Variants in CACNA2D3 observed in about 807,000 individuals in gnomAD.
The protein encoded by CACNA2D3 is calcium voltage-gated channel auxiliary subunit alpha2delta 3.
Under a neutral mutation model 160.6 loss-of-function variants are expected in CACNA2D3, and 60 were observed. The ratio of observed to expected loss-of-function variants is 0.37; its 90% CI spans 0.30 to 0.46. CACNA2D3 has a LOEUF of 0.46. CACNA2D3 is among the 20% of genes least tolerant of loss of function. The pLI, the probability that CACNA2D3 is intolerant of heterozygous loss-of-function variation, is 1.00. For missense variants in CACNA2D3, 1,205 were observed against 1,365.0 expected (o/e 0.88, Z 1.85); for synonymous variants, 558 against 492.9 (o/e 1.13, Z -1.75).
chr3:54,156,516 T>C (rs1259509665), intron 2 of CACNA2D3, among the ~76,000 whole-genome samples: 1 of 152,214 alleles, frequency 6.6e-6, no homozygotes. Flanking sequence ...GTCAGTCTTT[T>C]TGAGTCCCTG....
chr3:54,464,956 C>A (rs1559489003), intron 4 of CACNA2D3, among the ~76,000 whole-genome samples: 1 of 152,140 alleles, frequency 6.6e-6, no homozygotes, highest in African/African-American at 2.4e-5. Context: ...CATCTCTTCT[C>A]CTTTTTGAAC....
intron 2 of CACNA2D3, among the ~76,000 whole-genome samples, chr3:54,308,082 C>T (rs1319794964): frequency 6.6e-6 from 1 of 152,164 alleles, no homozygotes; most frequent in Non-Finnish European, 1.5e-5. Flanking sequence ...TGCACCAGCT[C>T]TCAACTATCC....
At chr3:54,523,559 G>A (rs1307370214) in intron 5 of CACNA2D3, among the ~76,000 whole-genome samples, 3 of 152,196 alleles carry the variant, frequency 2.0e-5, no homozygotes, top group Admixed American at 6.5e-5. Context: ...ATTGGGAATT[G>A]TTCTCCTTTT....
intron 12 of CACNA2D3, among the ~76,000 whole-genome samples, chr3:54,757,355 A>G (rs557400537): frequency 2.2e-4 from 33 of 152,258 alleles, no homozygotes; most frequent in Admixed American, 1.1e-3. Flanking sequence ...TCTGAAAGAG[A>G]ACTGGTGGCC....
At chr3:55,040,517 CTG>C (rs1041607226) in intron 35 of CACNA2D3, among the ~76,000 whole-genome samples, 2 of 151,940 alleles carry the variant, frequency 1.3e-5, no homozygotes, top group African/African-American at 4.8e-5. Flanking sequence ...TTGAAAAAAA[CTG>C]TGTTTTAAAG....
chr3:54,471,464 C>G (rs1020962978), intron 4 of CACNA2D3, among the ~76,000 whole-genome samples: 2 of 152,030 alleles, frequency 1.3e-5, no homozygotes, highest in African/African-American at 4.8e-5. Flanking sequence ...GACCTAAAAT[C>G]AACACCCTAA....
intron 3 of CACNA2D3, among the ~76,000 whole-genome samples, chr3:54,375,885 G>C (rs940675575): frequency 6.6e-6 from 1 of 152,106 alleles, no homozygotes; most frequent in Non-Finnish European, 1.5e-5. Context: ...GACAAAAGTA[G>C]TGAAACATGG....
intron 3 of CACNA2D3, among the ~76,000 whole-genome samples, chr3:54,373,019 A>G (rs550218507): frequency 2.6e-5 from 4 of 152,352 alleles, no homozygotes; most frequent in Admixed American, 1.3e-4. Context: ...CATGCGTCCT[A>G]TCATGCCAGT....
At chr3:54,822,790 C>CTTTCTTTTCTTTCTTTCTTTCTTTT (rs1491160047) in intron 14 of CACNA2D3, among the ~76,000 whole-genome samples, 2 of 71,912 alleles carry the variant, frequency 2.8e-5, no homozygotes, top group African/African-American at 1.2e-4. Flanking sequence ...TTCTTTCTTT[C>CTTTCTTTTCTTTCTTTCTTTCTTTT]CTTTCTTTCT....
At chr3:54,541,938 G>T (rs1396038456) in intron 5 of CACNA2D3, among the ~76,000 whole-genome samples, 42 of 137,436 alleles carry the variant, frequency 3.1e-4, no homozygotes, top group South Asian at 7.0e-4. Context: ...GTGTGTGTGG[G>T]TTTTTTTTTT....
chr3:54,677,067 G>A (rs1219965967), intron 11 of CACNA2D3, among the ~76,000 whole-genome samples: 2 of 152,180 alleles, frequency 1.3e-5, no homozygotes, highest in East Asian at 3.9e-4. Context: ...GTGCCCTTGA[G>A]CACAATCTCC....
rs187069954 is a variant in CACNA2D3 at position 54,942,901 on chromosome 3, G to A, written c.2450-25549G>A. Among the ~76,000 whole-genome samples, 6 of 152,268 alleles carry A rather than the reference G, an allele frequency of 3.9e-5. No individual in the cohort carries two copies. In the East Asian group the frequency reaches 1.2e-3, roughly 29 times the overall value. On this transcript the variant is annotated intron_variant, in intron 27 of 37. Transcript: ENST00000474759. ...TAGCCAGGCGCGGTGGCACGTGCCT[G>A]TAGTCCCAGCTACTCAGGAGGCTGA...
At chr3:54,157,948 G>T (rs1700274924) in intron 2 of CACNA2D3, among the ~76,000 whole-genome samples, 1 of 152,114 alleles carries the variant, frequency 6.6e-6, no homozygotes, top group Non-Finnish European at 1.5e-5. Flanking sequence ...GGTAGGAGAA[G>T]AAAGAAGCAA....
intron 11 of CACNA2D3, among the ~76,000 whole-genome samples, chr3:54,668,040 T>C (rs550142775): frequency 3.3e-5 from 5 of 152,296 alleles, no homozygotes; most frequent in African/African-American, 9.6e-5. Context: ...AATTTTCTTA[T>C]TCCGAAATTC....
intron 27 of CACNA2D3, among the ~76,000 whole-genome samples, chr3:54,909,143 T>G (rs752749124): frequency 6.6e-5 from 10 of 152,174 alleles, no homozygotes; most frequent in Non-Finnish European, 1.3e-4. Flanking sequence ...ACACAGAAAT[T>G]CCAATCAAAG....
At position 54,383,673 on chromosome 3, in the gene CACNA2D3, A is replaced by G. The variant is rs6791145; in HGVS notation, c.322-3042A>G. Reference sequence around the variant, plus strand: ...CAATCCAGAGATTAGCAAGGATGACACGCAAATTCGCGGAGTTCCCTATTA... The same window carrying G: ...CAATCCAGAGATTAGCAAGGATGACGCGCAAATTCGCGGAGTTCCCTATTA... On this transcript the variant is annotated intron_variant, in intron 3 of 37. Coordinates refer to ENST00000474759, the MANE Select transcript of CACNA2D3 (RefSeq NM_018398.3). Among the ~76,000 whole-genome samples the G allele has an allele frequency of 2.9e-3, 434 of 152,246 alleles. 2 individuals carry two copies. Among genetic ancestry groups the G allele is most frequent in the African/African-American group, 0.01 (421 of 41,552 alleles).
chr3:54,787,953 C>G (rs1212885650), intron 13 of CACNA2D3, among the ~76,000 whole-genome samples: 1 of 152,128 alleles, frequency 6.6e-6, no homozygotes, highest in Non-Finnish European at 1.5e-5. Flanking sequence ...GACAAAGTGG[C>G]ATATTTTGGG....
intron 17 of CACNA2D3, among the ~76,000 whole-genome samples, chr3:54,869,061 T>G (rs1699466598): frequency 1.3e-5 from 2 of 152,224 alleles, no homozygotes; most frequent in South Asian, 4.1e-4. Context: ...CAATGTGATG[T>G]GAGTGGTGTG....
At chr3:54,322,530 C>T (rs1704027017) in intron 3 of CACNA2D3, among the ~76,000 whole-genome samples, 1 of 152,182 alleles carries the variant, frequency 6.6e-6, no homozygotes. Flanking sequence ...GCCCAGGTCA[C>T]GTGGGCAGGG....
Sources: allele counts gnomAD v4.1 joint callset (sites outside exome capture counted in the v4.1 genomes callset), GRCh38; gene constraint gnomAD v4.1.1; transcripts MANE v1.5; gene names NCBI Gene and HGNC (gene_info 2026-07-23, HGNC 2026-07-21).